The following SLC1A7 variants were observed in gnomAD, a reference collection of about 807,000 sequenced individuals.
SLC1A7 encodes the protein solute carrier family 1 member 7.
Under a neutral mutation model 47.7 loss-of-function variants are expected in SLC1A7, and 40 were observed. The ratio of observed to expected loss-of-function variants is 0.84; its 90% CI spans 0.65 to 1.09. SLC1A7 has a LOEUF of 1.09. Among genes scored for constraint, SLC1A7 ranks in the 50% least tolerant of loss-of-function variants. SLC1A7 has a pLI of 0.00. For synonymous variants in SLC1A7, 323 were observed against 325.6 expected (o/e 0.99, Z 0.09); for missense variants, 746 against 769.5 (o/e 0.97, Z 0.36).
chr1:53,093,381 G>A, intron 6 of SLC1A7, 80 bp downstream of exon 6: 2 of 1,136,110 alleles, frequency 1.8e-6, no homozygotes, highest in Admixed American at 2.0e-5. Flanking sequence ...CTCACTTTAC[G>A]GGAGAAGAGG....
At chr1:53,140,466 T>TAA (rs5774137) in intron 1 of SLC1A7, among the ~76,000 whole-genome samples, 26 of 147,170 alleles carry the variant, frequency 1.8e-4, no homozygotes, top group South Asian at 1.3e-3. Context: ...ACGTTTTGGT[T>TAA]AAAAAAAAAA....
rs776681590 is a variant in SLC1A7, at chr1:53,090,047, C to G, written c.1227-113G>C. On this transcript the variant is annotated intron_variant, in intron 8 of 10. Coordinates refer to ENST00000371494, the MANE Select transcript of SLC1A7 (RefSeq NM_006671.6). The stretch of plus-strand genomic sequence containing the variant: ...GGGCCTCTGGGACAGCCATTTGGTG[C>G]GGGGGGTGGGTAGGAATGCCACACC... 2.6e-6 allele frequency: 3 copies of G among 1,152,698 alleles called. No individual in the cohort carries two copies. The Admixed American group carries it at 5.8e-5, about 22-fold the overall frequency. 71.4% of individuals were successfully genotyped at this position (1,152,698 alleles called of 1,614,324 possible).
At chr1:53,106,923 G>C (rs1644648828) in intron 3 of SLC1A7, among the ~76,000 whole-genome samples, 1 of 152,128 alleles carries the variant, frequency 6.6e-6, no homozygotes, top group Non-Finnish European at 1.5e-5. Context: ...GGGAGGCCAA[G>C]GTGGGCACAT....
rs193192037 is a variant in SLC1A7 at position 53,094,208 on chromosome 1, T to C, written c.698-648A>G. The stretch of plus-strand genomic sequence containing the variant: ...AGCGAGAGCAAGAACTGCATCTCCT[T>C]AGCTGGAGCATGTTAGACGCACAGT... On this transcript the variant is annotated intron_variant, in intron 5 of 10. Coordinates refer to ENST00000371494, the MANE Select transcript of SLC1A7 (RefSeq NM_006671.6). Among the ~76,000 whole-genome samples, 444 of 152,340 alleles carry C rather than the reference T, an allele frequency of 2.9e-3. 1 individual carries two copies. Among genetic ancestry groups the C allele is most frequent in the African/African-American group, 9.1e-3 (378 of 41,576 alleles).
At chr1:53,126,990 G>T (rs1274465009) in intron 2 of SLC1A7, among the ~76,000 whole-genome samples, 1 of 148,328 alleles carries the variant, frequency 6.7e-6, no homozygotes, top group African/African-American at 2.5e-5. Flanking sequence ...AGCCTCCCAA[G>T]TAGCCAGGAC....
At chr1:53,092,846 A>G (rs1644440615) in intron 6 of SLC1A7, 59 bp from the exon 7 acceptor site, 1 of 1,142,726 alleles carries the variant, frequency 8.8e-7, no homozygotes, top group Non-Finnish European at 1.3e-6. Context: ...CCCCGGCCCC[A>G]GCCCCGCATC....
intron 1 of SLC1A7, among the ~76,000 whole-genome samples, chr1:53,136,445 G>A (rs945778011): frequency 4.1e-5 from 6 of 147,422 alleles, no homozygotes; most frequent in East Asian, 2.0e-4. Flanking sequence ...CGCCCGCCTC[G>A]GCCTCCCAAA....
chr1:53,089,256 T>TTTTG (rs145192147), intron 9 of SLC1A7, among the ~76,000 whole-genome samples: 91,720 of 147,124 alleles, frequency 0.62, 31,170 homozygotes, highest in Non-Finnish European at 0.76. Context: ...TAGGTTTGTT[T>TTTTG]TTTGTTTGTT....
intron 2 of SLC1A7, among the ~76,000 whole-genome samples, chr1:53,131,676 AT>A (rs1413601515): frequency 6.6e-6 from 1 of 152,286 alleles, no homozygotes; most frequent in African/African-American, 2.4e-5. Flanking sequence ...TGCAGGATCC[AT>A]TAATTAATTC....
At chr1:53,094,121 C>T (rs1214113235) in intron 5 of SLC1A7, among the ~76,000 whole-genome samples, 1 of 152,254 alleles carries the variant, frequency 6.6e-6, no homozygotes, top group Non-Finnish European at 1.5e-5. Context: ...TATCTCACCT[C>T]TTAGGGCCTA....
intron 5 of SLC1A7, 173 bp downstream of exon 5, chr1:53,103,173 G>A (rs908563796): frequency 1.8e-6 from 1 of 556,948 alleles, no homozygotes; most frequent in Non-Finnish European, 3.1e-6. Flanking sequence ...CCCCTGGGGT[G>A]GGGTGGGGAG....
chr1:53,099,274 C>T lies in SLC1A7; in HGVS notation c.697+4072G>A, dbSNP rs540544179. Among the ~76,000 whole-genome samples, 24 of 8,094 alleles carry T rather than the reference C, an allele frequency of 3.0e-3. No individual in the cohort carries two copies. The East Asian group carries it at 0.04, about 14-fold the overall frequency. 5.3% of individuals were successfully genotyped at this position (8,094 alleles called of 152,430 possible). On this transcript the variant is annotated intron_variant, in intron 5 of 10. Coordinates refer to ENST00000371494, the MANE Select transcript of SLC1A7 (RefSeq NM_006671.6). ...CACACTGCCTCAGTACCTCACATAC[C>T]GTCTCGGTACACACACATACCCCGC...
intron 2 of SLC1A7, among the ~76,000 whole-genome samples, chr1:53,123,457 G>T (rs771862871): frequency 6.6e-6 from 1 of 152,200 alleles, no homozygotes; most frequent in Non-Finnish European, 1.5e-5. Context: ...CACCCTGCCC[G>T]GTGTTGAACA....
At chr1:53,103,300 G>T (rs1319397744) in intron 5 of SLC1A7, 46 bp downstream of exon 5, 1 of 1,431,908 alleles carries the variant, frequency 7.0e-7, no homozygotes, top group Non-Finnish European at 9.5e-7. Flanking sequence ...GGGAGGGGCT[G>T]GGGGCCCGGC....
At chr1:53,093,583 T>A in intron 5 of SLC1A7, 23 bp from the exon 6 acceptor site, 1 of 1,570,842 alleles carries the variant, frequency 6.4e-7, no homozygotes, top group Non-Finnish European at 8.6e-7. Flanking sequence ...GACACAGTGC[T>A]GTGGTAAAGC....
In SLC1A7 at chr1:53,115,253, TG is replaced by T. The variant is rs546639204; in HGVS notation, c.216-281del. On this transcript the variant is annotated intron_variant, in intron 2 of 10. Transcript: ENST00000371494. ...GGTGGCTGTGGGATGGTGGGGACAC[TG>T]TTGGGGGAGTGAGAGATTAATTAAG... The T allele has an allele frequency of 8.1e-5, 43 of 529,520 alleles. No homozygotes were observed. The African/African-American group carries it at 8.1e-4, about 10-fold the overall frequency. 32.8% of individuals were successfully genotyped at this position (529,520 alleles called of 1,614,324 possible).
intron 3 of SLC1A7, among the ~76,000 whole-genome samples, chr1:53,109,039 A>T (rs1572324291): frequency 1.3e-5 from 2 of 152,122 alleles, no homozygotes; most frequent in East Asian, 3.9e-4. Flanking sequence ...AAAACACAGA[A>T]CGTGCCTGGG....
intron 3 of SLC1A7, 96 bp from the exon 4 acceptor site, chr1:53,105,870 G>T: frequency 2.0e-6 from 2 of 978,850 alleles, no homozygotes; most frequent in East Asian, 2.4e-5. Context: ...CTCCTTTGGT[G>T]GTCGGGCCTT....
At chr1:53,090,999 T>C (rs1366687404) in intron 7 of SLC1A7, 193 bp from the exon 8 acceptor site, 1 of 1,460,650 alleles carries the variant, frequency 6.8e-7, no homozygotes, top group African/African-American at 1.4e-5. Context: ...AGGGAGGTGT[T>C]TGGGTGCATT....
Sources: gnomAD v4.1 joint callset for allele counts (sites outside exome capture counted in the v4.1 genomes callset) on GRCh38, gnomAD v4.1.1 for gene constraint, MANE v1.5 for transcripts, NCBI Gene and HGNC (gene_info 2026-07-23, HGNC 2026-07-21) for gene names.